Variants in AMPH observed in about 807,000 individuals in gnomAD.
The protein encoded by AMPH is amphiphysin.
A neutral mutation model predicts 99.1 loss-of-function variants in AMPH; 49 were observed. That is an observed-to-expected ratio of 0.49 (90% CI 0.39 to 0.63). AMPH has a LOEUF of 0.63. Ranked by LOEUF, AMPH falls within the 20% of genes least tolerant of loss-of-function variation. The probability of loss-of-function intolerance (pLI) is 0.00; values close to 1 mark genes in which losing one functional copy is unlikely to be tolerated. For synonymous variants in AMPH, 314 were observed against 317.3 expected, an observed-to-expected ratio of 0.99 and a Z score of 0.11; for missense variants, 759 against 863.4, an observed-to-expected ratio of 0.88 and a Z score of 1.52.
chr7:38,490,966 T>G, intron 5 of AMPH, 84 bp downstream of exon 5: 1 of 858,962 alleles, frequency 1.2e-6, no homozygotes. Context: ...GTTTGAGGAC[T>G]TGTAATAATT....
intron 1 of AMPH, among the ~76,000 whole-genome samples, chr7:38,561,464 C>T (rs961536092): frequency 1.3e-5 from 2 of 152,208 alleles, no homozygotes; most frequent in South Asian, 2.1e-4. Flanking sequence ...AAGCATTGTG[C>T]TAGGCACTGC....
rs373364662 is a variant in AMPH at position 38,433,342 on chromosome 7, G to A, written c.1135-1130C>T. Among the ~76,000 whole-genome samples the A allele has an allele frequency of 2.6e-5, 4 of 152,306 alleles. No individual in the cohort carries two copies. The East Asian group carries it at 5.8e-4, about 22-fold the overall frequency. On this transcript the variant is annotated intron_variant, in intron 12 of 20. Transcript: ENST00000356264. ...CTAAGACAGGAGAGAACAGCTCCAT[G>A]GAAAGCCACAGTTTTTTGTACATGG...
At chr7:38,517,982 G>A (rs1028934760) in intron 2 of AMPH, among the ~76,000 whole-genome samples, 37 of 152,138 alleles carry the variant, frequency 2.4e-4, no homozygotes, top group African/African-American at 8.7e-4. Context: ...TTGGGAGATA[G>A]GCCTGGGGCA....
intron 1 of AMPH, among the ~76,000 whole-genome samples, chr7:38,610,333 A>AAAGAAAAGAAAAGAAAAAAG (rs1554375564): frequency 3.4e-5 from 1 of 29,814 alleles, no homozygotes; most frequent in South Asian, 8.4e-4. Context: ...AAAGAAAAGA[A>AAAGAAAAGAAAAGAAAAAAG]AAAAGAAAAG....
chr7:38,554,043 C>T (rs1386661304), intron 1 of AMPH, among the ~76,000 whole-genome samples: 1 of 152,186 alleles, frequency 6.6e-6, no homozygotes, highest in East Asian at 1.9e-4. Context: ...TGCATCGTTT[C>T]TGCCACATCA....
intron 5 of AMPH, among the ~76,000 whole-genome samples, chr7:38,481,212 A>T (rs1788271752): frequency 2.6e-5 from 4 of 152,158 alleles, no homozygotes; most frequent in Admixed American, 2.6e-4. Flanking sequence ...GGGAAAACCC[A>T]AATCTCCTAA....
chr7:38,421,890 C>T (rs1332919903), intron 16 of AMPH, among the ~76,000 whole-genome samples: 4 of 152,194 alleles, frequency 2.6e-5, no homozygotes, highest in African/African-American at 9.7e-5. Flanking sequence ...AGAATCTTCT[C>T]TAACGCCAGG....
intron 12 of AMPH, among the ~76,000 whole-genome samples, chr7:38,433,724 CAAAAAAAAAAAA>C (rs570503359): frequency 3.8e-5 from 2 of 53,192 alleles, no homozygotes; most frequent in African/African-American, 9.1e-5. Context: ...GACTCCGTCT[CAAAAAAAAAAAA>C]AAAAAAAAAA....
At chr7:38,390,439 TATAGAA>T (rs1338977304) in intron 19 of AMPH, among the ~76,000 whole-genome samples, 2 of 152,186 alleles carry the variant, frequency 1.3e-5, no homozygotes, top group Non-Finnish European at 2.9e-5. Flanking sequence ...AAAATTTTAT[TATAGAA>T]AAATATTTTA....
At chr7:38,394,704 C>T (rs536627624) in intron 17 of AMPH, among the ~76,000 whole-genome samples, 1 of 152,300 alleles carries the variant, frequency 6.6e-6, no homozygotes, top group South Asian at 2.1e-4. Flanking sequence ...TAATTTCACA[C>T]ACTTCCTTCA....
At chr7:38,535,470 A>T (rs1298923864) in intron 1 of AMPH, among the ~76,000 whole-genome samples, 1 of 152,218 alleles carries the variant, frequency 6.6e-6, no homozygotes, top group East Asian at 1.9e-4. Flanking sequence ...ACCAGGGACC[A>T]GTTTCATGGA....
intron 5 of AMPH, among the ~76,000 whole-genome samples, chr7:38,481,658 G>C (rs1024399481): frequency 6.6e-6 from 1 of 152,098 alleles, no homozygotes; most frequent in Non-Finnish European, 1.5e-5. Context: ...ATCACAGCTG[G>C]AAAAGTTAAA....
chr7:38,392,134 C>A, intron 18 of AMPH, 117 bp from the exon 19 acceptor site: 1 of 1,034,880 alleles, frequency 9.7e-7, no homozygotes, highest in Non-Finnish European at 1.4e-6. Context: ...TCCATACTTC[C>A]CCACTAGCCA....
At chr7:38,629,977 A>C (rs940365392) in intron 1 of AMPH, among the ~76,000 whole-genome samples, 1 of 152,182 alleles carries the variant, frequency 6.6e-6, no homozygotes, top group Non-Finnish European at 1.5e-5. Flanking sequence ...GACTAGAGGC[A>C]GCCACCAAGC....
intron 2 of AMPH, among the ~76,000 whole-genome samples, chr7:38,517,530 A>T (rs1285507803): frequency 1.3e-5 from 2 of 152,168 alleles, no homozygotes; most frequent in African/African-American, 4.8e-5. Flanking sequence ...TGAGCCAATT[A>T]AACCTCATTT....
At chr7:38,530,111 C>T (rs3807398) in intron 2 of AMPH, among the ~76,000 whole-genome samples, 15,493 of 152,244 alleles carry the variant, frequency 0.1, 1,218 homozygotes, top group East Asian at 0.28. Flanking sequence ...GTGATAATTT[C>T]TGCCACTAGT....
At chr7:38,490,283 G>A (rs879731009) in intron 5 of AMPH, among the ~76,000 whole-genome samples, 7 of 152,048 alleles carry the variant, frequency 4.6e-5, no homozygotes, top group Non-Finnish European at 7.4e-5. Context: ...TAACATCATC[G>A]AAAATCTACT....
intron 11 of AMPH, among the ~76,000 whole-genome samples, chr7:38,445,169 A>G (rs1786724530): frequency 6.6e-6 from 1 of 151,512 alleles, no homozygotes; most frequent in Admixed American, 6.6e-5. Flanking sequence ...ACAAAGGTAC[A>G]AAGGCAATTT....
At chr7:38,543,416 A>G (rs953584729) in intron 1 of AMPH, among the ~76,000 whole-genome samples, 4 of 152,214 alleles carry the variant, frequency 2.6e-5, no homozygotes, top group African/African-American at 9.6e-5. Flanking sequence ...GATGGGTATG[A>G]AACAGATGAA....
Sources: gnomAD v4.1 joint callset for allele counts (sites outside exome capture counted in the v4.1 genomes callset) on GRCh38, gnomAD v4.1.1 for gene constraint, MANE v1.5 for transcripts, NCBI Gene and HGNC (gene_info 2026-07-23, HGNC 2026-07-21) for gene names.